The following CENPL variants were observed in gnomAD, a reference collection of about 807,000 sequenced individuals.
The protein encoded by CENPL is interphase centromere complex protein 33.
Under a neutral mutation model 35.2 loss-of-function variants are expected in CENPL, and 20 were observed. That is an observed-to-expected ratio of 0.57 (90% CI 0.40 to 0.83). The LOEUF (loss-of-function observed/expected upper bound fraction) is 0.83, where lower values mean the gene tolerates loss of function less well. Ranked by LOEUF, CENPL falls within the 40% of genes least tolerant of loss-of-function variation. The pLI is 0.00. For missense variants in CENPL, 363 were observed against 395.8 expected (o/e 0.92, Z 0.70); for synonymous variants, 140 against 140.6 (o/e 1.00, Z 0.03).
intron 3 of CENPL, chr1:173,808,409 TA>T (rs539137031): frequency 1.7e-3 from 241 of 142,474 alleles, no homozygotes; most frequent in Admixed American, 1.9e-3. Flanking sequence ...GACTCTGCCT[TA>T]AAAAAAAAAA....
chr1:173,809,471 A>G (rs1650587614), intron 3 of CENPL, among the ~76,000 whole-genome samples: 1 of 152,058 alleles, frequency 6.6e-6, no homozygotes, highest in Non-Finnish European at 1.5e-5. Flanking sequence ...GGATGCCTGT[A>G]ATCCCAGCTA....
intron 5 of CENPL, 75 bp from the exon 6 acceptor site, chr1:173,800,594 T>A (rs1209990543): frequency 4.8e-6 from 3 of 627,850 alleles, no homozygotes; most frequent in Non-Finnish European, 8.6e-6. Context: ...GATATTTGAA[T>A]AATCAATGTT....
At chr1:173,807,230 T>A in intron 4 of CENPL, 37 bp downstream of exon 4, 1 of 1,482,030 alleles carries the variant, frequency 6.7e-7, no homozygotes, top group South Asian at 1.5e-5. Context: ...ACATAATACT[T>A]TTCCCCTAGG....
intron 2 of CENPL, among the ~76,000 whole-genome samples, chr1:173,820,369 A>G (rs12096832): frequency 0.091 from 13,813 of 152,086 alleles, 2,028 homozygotes; most frequent in African/African-American, 0.31. Flanking sequence ...TCAAAAAAAA[A>G]AAAGGAATTA....
chr1:173,817,395 C>T (rs1651510424), intron 2 of CENPL, among the ~76,000 whole-genome samples: 1 of 152,150 alleles, frequency 6.6e-6, no homozygotes, highest in South Asian at 2.1e-4. Flanking sequence ...CCAACAAACA[C>T]ATGAAAAAAT....
chr1:173,819,992 C>T (rs566323681), intron 2 of CENPL, among the ~76,000 whole-genome samples: 2 of 152,118 alleles, frequency 1.3e-5, no homozygotes, highest in Admixed American at 6.5e-5. Context: ...TGTGAGCCAC[C>T]GCACTCGGCC....
chr1:173,816,836 G>T (rs1651428601), intron 2 of CENPL, among the ~76,000 whole-genome samples: 1 of 152,138 alleles, frequency 6.6e-6, no homozygotes, highest in African/African-American at 2.4e-5. Flanking sequence ...AGACAAATGG[G>T]ATCTAATTAA....
chr1:173,809,297 C>T (rs1375686166), intron 3 of CENPL, among the ~76,000 whole-genome samples: 3 of 151,718 alleles, frequency 2.0e-5, no homozygotes, highest in Admixed American at 1.3e-4. Flanking sequence ...GAGCCAAGAT[C>T]GTACCATTGC....
chr1:173,799,610 A>G lies in CENPL; in HGVS notation c.*838T>C, dbSNP rs1649577761. 1.3e-5 allele frequency: 2 copies of G among 152,256 alleles called. No individual in the cohort carries two copies. The highest frequency in any genetic ancestry group is 4.1e-4 in the South Asian group (2 of 4,832). The allele number at this position is 152,256 out of a possible 1,614,324, so 9.4% of individuals were successfully genotyped here. A position where few individuals can be genotyped will look rare whatever the true frequency, so the allele number is the denominator to read the frequency against. ...ACAGGAGTTGAACTGTATTTAAAAC[A>G]GAAGCATATTAATGACTAAAAAAAT... On this transcript the variant is annotated 3_prime_UTR_variant, in exon 6 of 6. Coordinates refer to ENST00000682279, the MANE Select transcript of CENPL (RefSeq NM_001387287.1).
At chr1:173,807,795 A>G (rs1388602700) in intron 3 of CENPL, among the ~76,000 whole-genome samples, 2 of 152,182 alleles carry the variant, frequency 1.3e-5, no homozygotes, top group Non-Finnish European at 2.9e-5. Flanking sequence ...CACTCGATCT[A>G]AAGTAGCACC....
At chr1:173,804,903 G>A (rs1176409011) in intron 4 of CENPL, among the ~76,000 whole-genome samples, 1 of 152,156 alleles carries the variant, frequency 6.6e-6, no homozygotes, top group Non-Finnish European at 1.5e-5. Flanking sequence ...CTTCAGAAAT[G>A]ATCATTTACA....
chr1:173,813,459 A>G (rs1651043197), intron 2 of CENPL, among the ~76,000 whole-genome samples: 1 of 152,358 alleles, frequency 6.6e-6, no homozygotes, highest in South Asian at 2.1e-4. Context: ...GAAGCCCATC[A>G]GGCTAACAGC....
chr1:173,815,423 T>C (rs900385677), intron 2 of CENPL, among the ~76,000 whole-genome samples: 5 of 152,148 alleles, frequency 3.3e-5, no homozygotes, highest in East Asian at 1.9e-4. Flanking sequence ...TGAACATGGA[T>C]GCAAAAATCC....
intron 5 of CENPL, among the ~76,000 whole-genome samples, chr1:173,802,284 C>T (rs1237529296): frequency 1.3e-5 from 2 of 151,986 alleles, no homozygotes; most frequent in Non-Finnish European, 2.9e-5. Flanking sequence ...CGGCTCACTA[C>T]AAGCTCCGCC....
At chr1:173,813,144 G>A (rs557458794) in intron 2 of CENPL, among the ~76,000 whole-genome samples, 133 of 152,214 alleles carry the variant, frequency 8.7e-4, no homozygotes, top group Non-Finnish European at 1.6e-3. Flanking sequence ...AAAAAGAAAC[G>A]AACAAAGGCT....
chr1:173,803,058 G>A lies in CENPL; in HGVS notation c.868C>T (p.His290Tyr). Residue 290 changes from histidine to tyrosine, a missense_variant, in exon 5 of 6, where the codon CAT becomes TAT. His to Tyr is a moderately conservative substitution (Grantham distance 83). Coordinates refer to ENST00000682279, the MANE Select transcript of CENPL (RefSeq NM_001387287.1). Reference sequence around the variant, plus strand: ...TGAATTTTGAAATGTCTATGGAAATGTGAATAAAGGCAATCCATGAATAGG... The same window carrying A: ...TGAATTTTGAAATGTCTATGGAAATATGAATAAAGGCAATCCATGAATAGG... ...VDLFMDCLYS[H>Y]FHRHFKIHLS... 2 of 1,613,522 alleles carry A rather than the reference G, an allele frequency of 1.2e-6. No homozygotes were observed. Among genetic ancestry groups the A allele is most frequent in the Non-Finnish European group, 1.7e-6 (2 of 1,179,388 alleles).
At chr1:173,823,121 GT>G (rs1258485263) in intron 2 of CENPL, 1 of 152,104 alleles carries the variant, frequency 6.6e-6, no homozygotes, top group East Asian at 1.9e-4. Flanking sequence ...TACTTATCTT[GT>G]TCCCAATCTT....
At chr1:173,812,034 G>A (rs538487755) in intron 2 of CENPL, among the ~76,000 whole-genome samples, 12 of 152,354 alleles carry the variant, frequency 7.9e-5, no homozygotes, top group East Asian at 5.8e-4. Context: ...TGGCTTGGTG[G>A]GTCCCACACC....
At chr1:173,812,215 T>C (rs1186578394) in intron 2 of CENPL, among the ~76,000 whole-genome samples, 1 of 152,256 alleles carries the variant, frequency 6.6e-6, no homozygotes, top group Non-Finnish European at 1.5e-5. Context: ...CTACTGCCTC[T>C]ATAGACTCCA....
Sources: gnomAD v4.1 joint callset for allele counts (sites outside exome capture counted in the v4.1 genomes callset) on GRCh38, gnomAD v4.1.1 for gene constraint, MANE v1.5 for transcripts, NCBI Gene and HGNC (gene_info 2026-07-23, HGNC 2026-07-21) for gene names.